RREB1: variants seen among roughly 807,000 people sequenced by gnomAD.
The protein encoded by RREB1 is ras responsive element binding protein 1.
In RREB1, 27 loss-of-function variants were observed where a neutral mutation model predicts 117.8. The observed-to-expected ratio is 0.23, with a 90% CI of 0.17 to 0.32. The LOEUF (loss-of-function observed/expected upper bound fraction) is 0.32, where lower values mean the gene tolerates loss of function less well. Ranked by LOEUF, RREB1 falls within the 10% of genes least tolerant of loss-of-function variation. The probability of loss-of-function intolerance (pLI) is 1.00; values close to 1 mark genes in which losing one functional copy is unlikely to be tolerated. For synonymous variants in RREB1, 1,298 were observed against 1,026.7 expected (o/e 1.26, Z -5.05); for missense variants, 2,577 against 2,378.2 (o/e 1.08, Z -1.74).
chr6:7,188,094 G>C (rs111797653), intron 5 of RREB1, among the ~76,000 whole-genome samples: 1 of 152,072 alleles, frequency 6.6e-6, no homozygotes. Flanking sequence ...ACTTGAACCC[G>C]GGAGCAGAGG....
chr6:7,241,479 A>G (rs1768700077), intron 11 of RREB1, among the ~76,000 whole-genome samples: 1 of 152,042 alleles, frequency 6.6e-6, no homozygotes, highest in African/African-American at 2.4e-5. Flanking sequence ...ACCTGACACT[A>G]TCTTGTGGCT....
intron 5 of RREB1, among the ~76,000 whole-genome samples, chr6:7,188,352 G>A (rs1354982285): frequency 1.3e-5 from 2 of 151,860 alleles, no homozygotes; most frequent in Admixed American, 6.6e-5. Context: ...CTGAGTTCAC[G>A]TGATTCTCCT....
intron 8 of RREB1, chr6:7,218,878 C>G (rs1767067979): frequency 6.8e-6 from 1 of 148,080 alleles, no homozygotes; most frequent in Non-Finnish European, 1.5e-5. Flanking sequence ...AGGACATTTG[C>G]TGTCAGAAGA....
intron 11 of RREB1, among the ~76,000 whole-genome samples, chr6:7,245,309 T>C (rs1483816984): frequency 2.0e-5 from 3 of 152,070 alleles, no homozygotes; most frequent in African/African-American, 7.2e-5. Flanking sequence ...GCAGGAGAAT[T>C]GCTTGAACCC....
intron 1 of RREB1, among the ~76,000 whole-genome samples, chr6:7,155,665 AAT>A: frequency 1.3e-5 from 2 of 152,360 alleles, no homozygotes; most frequent in Non-Finnish European, 2.9e-5. Flanking sequence ...AACCTGATAA[AAT>A]AGTTTCCTCC....
chr6:7,126,055 G>A (rs187075951), intron 1 of RREB1, among the ~76,000 whole-genome samples: 27 of 152,316 alleles, frequency 1.8e-4, no homozygotes, highest in African/African-American at 5.8e-4. Flanking sequence ...AAGCTGGAGT[G>A]CAGTGGCACG....
intron 8 of RREB1, among the ~76,000 whole-genome samples, chr6:7,224,544 A>C (rs908228945): frequency 7.2e-5 from 11 of 152,020 alleles, no homozygotes; most frequent in Admixed American, 6.6e-5. Flanking sequence ...AGAAGGAAGG[A>C]GCTCTATCTC....
At chr6:7,163,880 A>G (rs538786295) in intron 1 of RREB1, among the ~76,000 whole-genome samples, 2 of 152,116 alleles carry the variant, frequency 1.3e-5, no homozygotes, top group African/African-American at 4.8e-5. Flanking sequence ...CAAGTTTTCT[A>G]TTTTCTTTGT....
rs1767912932 is a variant in RREB1 at position 7,230,908 on chromosome 6, C to T, written c.2809C>T (p.Leu937=). 8 of 1,614,148 alleles carry T rather than the reference C, an allele frequency of 5.0e-6. No individual in the cohort carries two copies. The highest frequency in any genetic ancestry group is 1.7e-5 in the Admixed American group (1 of 60,022). Residue 937 remains leucine (L), a synonymous_variant, in exon 10 of 13, where the codon CTG becomes TTG. Transcript: ENST00000379938. ...PYDCSMEPID[L]SIPKNFRKGD... The stretch of plus-strand genomic sequence containing the variant: ...TGACTGCTCCATGGAGCCCATCGAC[C>T]TGTCCATCCCCAAGAACTTCAGGAA...
At chr6:7,171,705 A>T (rs554433891) in intron 1 of RREB1, among the ~76,000 whole-genome samples, 1 of 152,220 alleles carries the variant, frequency 6.6e-6, no homozygotes, top group East Asian at 1.9e-4. Flanking sequence ...GATGGGTGTG[A>T]TGGCAACATT....
rs146203523 is a variant in RREB1 at position 7,231,249 on chromosome 6, G to A, written c.3150G>A (p.Pro1050=). 3.5e-5 allele frequency: 56 copies of A among 1,611,816 alleles called. 1 individual carries two copies. Among genetic ancestry groups the A allele is most frequent in the East Asian group, 3.3e-4 (15 of 44,862 alleles). ...ALLRPLRPKP[P]LLLPKPPVTE... is the part of the protein sequence containing the mutation. ...TGCGTCCACTGCGGCCCAAGCCCCC[G>A]CTGCTTTTGCCAAAGCCCCCCGTGA... Residue 1050 remains proline, a synonymous_variant, in exon 10 of 13, where the codon CCG becomes CCA. Coordinates refer to ENST00000379938, the MANE Select transcript of RREB1 (RefSeq NM_001003699.4).
intron 12 of RREB1, among the ~76,000 whole-genome samples, chr6:7,247,679 C>T (rs532454736): frequency 6.6e-6 from 1 of 152,254 alleles, no homozygotes; most frequent in South Asian, 2.1e-4. Context: ...AGGGCCTTTT[C>T]CTTTCTTAGC....
At position 7,229,107 on chromosome 6, in the gene RREB1, G is replaced by A; in HGVS notation, c.1008G>A (p.Gln336=). The change falls in exon 10 of 13, where the codon CAG becomes CAA. Residue 336 remains glutamine, a synonymous_variant. Coordinates refer to ENST00000379938, the MANE Select transcript of RREB1 (RefSeq NM_001003699.4). This position sits in a 1 kb window ranked among gnomAD's most constrained non-coding sequence, Gnocchi z 4.5. ...TCTGCTCACTGGCTCTGCACAAGCA[G>A]ACCCATGTGGCGGCAGACCAGGGTC... The part of the protein sequence containing the change: ...PMLCSLALHK[Q]THVAADQGQE... 1 of 1,607,014 alleles carries A rather than the reference G, an allele frequency of 6.2e-7. No individual in the cohort carries two copies. Among genetic ancestry groups the A allele is most frequent in the East Asian group, 2.2e-5 (1 of 44,632 alleles).
At chr6:7,223,257 T>TAAAAAAAA (rs59558597) in intron 8 of RREB1, among the ~76,000 whole-genome samples, 2 of 97,290 alleles carry the variant, frequency 2.1e-5, no homozygotes, top group African/African-American at 8.1e-5. Context: ...ACTCTCTTTT[T>TAAAAAAAA]AAAAAAAAAA....
At chr6:7,172,152 C>A (rs185204618) in intron 1 of RREB1, among the ~76,000 whole-genome samples, 42 of 152,110 alleles carry the variant, frequency 2.8e-4, no homozygotes, top group Admixed American at 5.2e-4. Flanking sequence ...CACTTCGTTG[C>A]CCAGGCTGGT....
chr6:7,140,392 T>TTTCAGGATTGCC (rs1190807261), intron 1 of RREB1, among the ~76,000 whole-genome samples: 1 of 152,238 alleles, frequency 6.6e-6, no homozygotes, highest in Admixed American at 6.5e-5. Flanking sequence ...CTCAAAGATT[T>TTTCAGGATTGCC]TTCAGGATTG....
intron 1 of RREB1, among the ~76,000 whole-genome samples, chr6:7,110,479 G>GGGGTGTGTGTGT (rs1554114031): frequency 4.0e-5 from 6 of 149,520 alleles, no homozygotes; most frequent in African/African-American, 1.5e-4. Context: ...TTTTAGGGGT[G>GGGGTGTGTGTGT]GTGTGTGTGT....
chr6:7,236,575 C>T (rs2113147109), intron 10 of RREB1, among the ~76,000 whole-genome samples: 1 of 152,240 alleles, frequency 6.6e-6, no homozygotes, highest in Non-Finnish European at 1.5e-5. Flanking sequence ...AAGAAACCTG[C>T]CTGCAGGGGT....
In RREB1 at chr6:7,181,686, G is replaced by A. The variant is rs1474098561; in HGVS notation, c.-42-184G>A. 11 of 625,574 alleles carry A rather than the reference G, an allele frequency of 1.8e-5. No homozygotes were observed. In the East Asian group the frequency reaches 3.0e-4, roughly 17 times the overall value. 38.8% of individuals were successfully genotyped at this position (625,574 alleles called of 1,614,324 possible). On this transcript the variant is annotated intron_variant, in intron 3 of 12. Coordinates refer to ENST00000379938, the MANE Select transcript of RREB1 (RefSeq NM_001003699.4). ...GGCAAGGTTACTTCGTCCTTGGTAT[G>A]CCAAGACTTGGTTTAAATGAAAGCT... is the stretch of plus-strand genomic sequence containing the variant.
Sources: gnomAD v4.1 joint callset for allele counts (sites outside exome capture counted in the v4.1 genomes callset) on GRCh38, gnomAD v4.1.1 for gene constraint, Gnocchi (gnomAD v3.1) non-coding constraint, MANE v1.5 for transcripts, NCBI Gene and HGNC (gene_info 2026-07-23, HGNC 2026-07-21) for gene names.